Variants in NR5A2 observed in about 807,000 individuals in gnomAD.
NR5A2 encodes nuclear receptor subfamily 5 group A member 2, also known as CYP7A promoter-binding factor.
A neutral mutation model predicts 62.7 loss-of-function variants in NR5A2; 26 were observed. The ratio of observed to expected loss-of-function variants is 0.41; its 90% CI spans 0.30 to 0.58. The LOEUF is 0.58. Among genes scored for constraint, NR5A2 ranks in the 20% least tolerant of loss-of-function variants. The probability of loss-of-function intolerance (pLI) is 0.22; values close to 1 mark genes in which losing one functional copy is unlikely to be tolerated. For missense variants in NR5A2, 541 were observed against 669.1 expected, an observed-to-expected ratio of 0.81 and a Z score of 2.11; for synonymous variants, 246 against 241.7, an observed-to-expected ratio of 1.02 and a Z score of -0.16.
At chr1:200,061,120 CAAAAAAAAA>C (rs34729240) in intron 5 of NR5A2, among the ~76,000 whole-genome samples, 3 of 75,404 alleles carry the variant, frequency 4.0e-5, no homozygotes, top group Non-Finnish European at 8.1e-5. Flanking sequence ...AACTCCGTCT[CAAAAAAAAA>C]AAAAAAAAAA....
intron 5 of NR5A2, among the ~76,000 whole-genome samples, chr1:200,053,569 G>GCGCACACACA (rs374944913): frequency 0.036 from 5,145 of 142,042 alleles, 169 homozygotes; most frequent in African/African-American, 0.077. Flanking sequence ...GCATGCACAC[G>GCGCACACACA]CACACACACA....
At position 200,104,724 on chromosome 1, in the gene NR5A2, G is replaced by A. The variant is rs376768451; in HGVS notation, c.1111-6478G>A. On this transcript the variant is annotated intron_variant, in intron 5 of 7. Transcript: ENST00000367362. ...GTCACCCAGGCTGGAGCGCAGTGGC[G>A]CGATCTCGGCTCACTGCAACCTCCG... Among the ~76,000 whole-genome samples, 41 of 152,192 alleles carry A rather than the reference G, an allele frequency of 2.7e-4. No homozygotes were observed. The East Asian group carries it at 5.6e-3, about 21-fold the overall frequency.
chr1:200,101,115 TAC>T (rs1464181244), intron 5 of NR5A2, among the ~76,000 whole-genome samples: 1 of 152,248 alleles, frequency 6.6e-6, no homozygotes, highest in Non-Finnish European at 1.5e-5. Flanking sequence ...TATGCATACA[TAC>T]AGATATTTAC....
Position 200,112,456 on chromosome 1 carries a change from C to T in NR5A2, c.1230+1135C>T, listed in dbSNP as rs145031538. ...CAATGGTGACTTCAGTACTCGGCACCATGATCTTTTATGTTCAGCCATAAA... is the reference window on the plus strand; with the variant it reads ...CAATGGTGACTTCAGTACTCGGCACTATGATCTTTTATGTTCAGCCATAAA... On this transcript the variant is annotated intron_variant, in intron 6 of 7. Coordinates refer to ENST00000367362, the MANE Select transcript of NR5A2 (RefSeq NM_205860.3). Among the ~76,000 whole-genome samples, 678 of 152,296 alleles carry T rather than the reference C, an allele frequency of 4.5e-3. 3 individuals carry two copies. Among genetic ancestry groups the T allele is most frequent in the Middle Eastern group, 0.01 (3 of 294 alleles).
chr1:200,112,006 A>C (rs1315158027), intron 6 of NR5A2, among the ~76,000 whole-genome samples: 2 of 152,086 alleles, frequency 1.3e-5, no homozygotes, highest in African/African-American at 4.8e-5. Context: ...TAGCAGGGAG[A>C]AGCTGACATT....
chr1:200,029,101 C>T (rs1379290522), intron 1 of NR5A2: 2 of 444,288 alleles, frequency 4.5e-6, no homozygotes, highest in South Asian at 1.6e-5. Flanking sequence ...TCTTTTTCGT[C>T]GGGCAGAACC....
chr1:200,162,315 T>C (rs1245929057), intron 7 of NR5A2, among the ~76,000 whole-genome samples: 2 of 152,196 alleles, frequency 1.3e-5, no homozygotes, highest in African/African-American at 4.8e-5. Flanking sequence ...CGTAATGATA[T>C]CTGCGCTGAG....
intron 6 of NR5A2, among the ~76,000 whole-genome samples, chr1:200,115,764 A>G (rs540668297): frequency 2.6e-4 from 40 of 152,144 alleles, no homozygotes; most frequent in African/African-American, 9.4e-4. Flanking sequence ...AGGAAGTGCA[A>G]GGAGAATAAG....
At chr1:200,067,162 C>T (rs950914410) in intron 5 of NR5A2, among the ~76,000 whole-genome samples, 11 of 152,170 alleles carry the variant, frequency 7.2e-5, no homozygotes, top group African/African-American at 1.7e-4. Context: ...TAAAAAAGAA[C>T]GAGATCATGT....
At chr1:200,031,968 C>A (rs1661566606) in intron 1 of NR5A2, among the ~76,000 whole-genome samples, 1 of 152,094 alleles carries the variant, frequency 6.6e-6, no homozygotes, top group Non-Finnish European at 1.5e-5. Flanking sequence ...TTACTTGACC[C>A]CTCTACCAGA....
Position 200,120,842 on chromosome 1 carries a change from C to T in NR5A2, c.1265C>T (p.Ala422Val). The stretch of plus-strand genomic sequence containing the variant: ...TCCATAATAGCATCACAAGCCGGAG[C>T]CACCCTCAACAACCTCATGAGTCAT... ...DYSIIASQAG[A>V]TLNNLMSHAQ... Residue 422 changes from alanine (A) to valine (V), a missense_variant, in exon 7 of 8, where the codon GCC becomes GTC. Ala to Val is a moderately conservative substitution (Grantham distance 64). Transcript: ENST00000367362. 3 of 1,584,686 alleles carry T rather than the reference C, an allele frequency of 1.9e-6. No homozygotes were observed. The highest frequency in any genetic ancestry group is 2.6e-6 in the Non-Finnish European group (3 of 1,168,110).
chr1:200,039,689 C>T lies in NR5A2; in HGVS notation c.96C>T (p.Pro32=). 1 of 1,610,128 alleles carries T rather than the reference C, an allele frequency of 6.2e-7. No individual in the cohort carries two copies. The highest frequency in any genetic ancestry group is 8.5e-7 in the Non-Finnish European group (1 of 1,178,518). ...GAGLPDRHGS[P]IPARGRLVML... The stretch of plus-strand genomic sequence containing the variant: ...GGCTTCCGGACCGACACGGATCCCC[C>T]ATCCCCGCCCGCGGTCGCCTTGTCA... The change falls in exon 2 of 8, where the codon CCC becomes CCT. Residue 32 remains proline (P), a synonymous_variant. Transcript: ENST00000367362. The surrounding 1 kb of genome is among the most constrained non-coding windows in gnomAD (Gnocchi z 5.1).
At chr1:200,075,441 G>A (rs1211296593) in intron 5 of NR5A2, among the ~76,000 whole-genome samples, 1 of 152,154 alleles carries the variant, frequency 6.6e-6, no homozygotes, top group Non-Finnish European at 1.5e-5. Flanking sequence ...TTAAAACTAA[G>A]CGCCAAAAAA....
At chr1:200,146,691 C>T (rs1360811698) in intron 7 of NR5A2, among the ~76,000 whole-genome samples, 2 of 152,202 alleles carry the variant, frequency 1.3e-5, no homozygotes, top group Non-Finnish European at 2.9e-5. Context: ...TCATGGTTTT[C>T]AGACCTATGG....
At chr1:200,158,864 G>GCAT (rs1653503073) in intron 7 of NR5A2, among the ~76,000 whole-genome samples, 1 of 150,968 alleles carries the variant, frequency 6.6e-6, no homozygotes, top group Non-Finnish European at 1.5e-5. Flanking sequence ...ATCCTATTCT[G>GCAT]CATTCTGGTA....
At chr1:200,130,302 AG>A (rs759046386) in intron 7 of NR5A2, among the ~76,000 whole-genome samples, 70,574 of 118,954 alleles carry the variant, frequency 0.59, 17,414 homozygotes, top group Non-Finnish European at 0.67. Flanking sequence ...AAGAAGAAGA[AG>A]AAGAAGAAGA....
chr1:200,171,743 G>C (rs1654190320), intron 7 of NR5A2, among the ~76,000 whole-genome samples: 1 of 152,116 alleles, frequency 6.6e-6, no homozygotes, highest in African/African-American at 2.4e-5. Flanking sequence ...GCAAGACTCT[G>C]TCTCAAAATA....
chr1:200,085,717 G>A (rs764974172), intron 5 of NR5A2, among the ~76,000 whole-genome samples: 12 of 151,746 alleles, frequency 7.9e-5, no homozygotes, highest in Non-Finnish European at 1.8e-4. Context: ...TTAAAGAGGG[G>A]GATACACATG....
At chr1:200,096,583 T>A (rs1207633535) in intron 5 of NR5A2, among the ~76,000 whole-genome samples, 1 of 152,308 alleles carries the variant, frequency 6.6e-6, no homozygotes, top group East Asian at 1.9e-4. Context: ...CTGAATTACC[T>A]TATTGTTTGA....
Sources: allele counts gnomAD v4.1 joint callset (sites outside exome capture counted in the v4.1 genomes callset), GRCh38; gene constraint gnomAD v4.1.1; non-coding constraint Gnocchi (gnomAD v3.1); transcripts MANE v1.5; gene names NCBI Gene and HGNC (gene_info 2026-07-23, HGNC 2026-07-21).